HIVEP1: variants seen among roughly 807,000 people sequenced by gnomAD.
HIVEP1 encodes the protein HIVEP zinc finger 1.
HIVEP1 carries 36 observed loss-of-function variants against 180.0 expected under a neutral mutation model. The observed-to-expected ratio is 0.20, with a 90% CI of 0.15 to 0.26. The LOEUF (loss-of-function observed/expected upper bound fraction) is 0.26, where lower values mean the gene tolerates loss of function less well. HIVEP1 is among the 10% of genes least tolerant of loss of function. The probability of loss-of-function intolerance (pLI) is 1.00; values close to 1 mark genes in which losing one functional copy is unlikely to be tolerated. For synonymous variants in HIVEP1, 1,239 were observed against 1,239.0 expected, an observed-to-expected ratio of 1.00 and a Z score of 0.00; for missense variants, 3,143 against 3,268.7, an observed-to-expected ratio of 0.96 and a Z score of 0.94.
At chr6:12,049,582 C>G (rs180838207) in intron 2 of HIVEP1, among the ~76,000 whole-genome samples, 90 of 152,302 alleles carry the variant, frequency 5.9e-4, no homozygotes, top group African/African-American at 2.1e-3. Flanking sequence ...GTCCAGTTCT[C>G]TGTTCACAAA....
the HIVEP1 span, among the ~76,000 whole-genome samples, chr6:12,201,251 C>T: frequency 3.9e-5 from 6 of 152,158 alleles, no homozygotes; most frequent in East Asian, 1.9e-4. Flanking sequence ...CTGAGGTGGG[C>T]GAATCGTTTG....
At chr6:12,032,058 T>C (rs948707757) in intron 2 of HIVEP1, among the ~76,000 whole-genome samples, 4 of 152,178 alleles carry the variant, frequency 2.6e-5, no homozygotes, top group Non-Finnish European at 4.4e-5. Context: ...AGTGTGATGA[T>C]TGTGTTTTTA....
In HIVEP1 at chr6:12,121,268, C is replaced by A. The variant is rs1490671535; in HGVS notation, c.1473C>A (p.Asp491Glu). 1.9e-6 allele frequency: 3 copies of A among 1,614,142 alleles called. No homozygotes were observed. Among genetic ancestry groups the A allele is most frequent in the African/African-American group, 1.3e-5 (1 of 75,022 alleles). ...KALSIHSDVE[D>E]SGESEEEGAT... ...TTAGTATTCATTCAGACGTAGAAGA[C>A]AGTGGGGAGAGCGAGGAGGAAGGCG... is the stretch of plus-strand genomic sequence containing the variant. The change falls in exon 4 of 9, where the codon GAC becomes GAA. Residue 491 changes from aspartate to glutamate, a missense_variant. Asp to Glu is a conservative substitution (Grantham distance 45). Around this residue, in one of 12 missense-constraint regions of HIVEP1, gnomAD observed 365 missense variants for 344.4 expected, o/e 1.06. Coordinates refer to ENST00000379388, the MANE Select transcript of HIVEP1 (RefSeq NM_002114.4). The surrounding 1 kb of genome is among the most constrained non-coding windows in gnomAD (Gnocchi z 5.3).
chr6:12,054,011 C>G (rs1770705536), intron 2 of HIVEP1, among the ~76,000 whole-genome samples: 2 of 152,206 alleles, frequency 1.3e-5, no homozygotes, highest in South Asian at 4.1e-4. Context: ...CGTAGGTTAT[C>G]TTTCCCTTCT....
At position 12,123,307 on chromosome 6, in the gene HIVEP1, C is replaced by A; in HGVS notation, c.3512C>A (p.Ser1171Tyr). 6.2e-7 allele frequency: 1 copy of A among 1,614,132 alleles called. No homozygotes were observed. Among genetic ancestry groups the A allele is most frequent in the South Asian group, 1.1e-5 (1 of 91,082 alleles). The change falls in exon 4 of 9, where the codon TCC becomes TAC. Residue 1171 changes from serine to tyrosine, a missense_variant. Physicochemically the swap from Ser to Tyr is moderately radical, Grantham distance 144 (BLOSUM62 -2). Around this residue, in one of 12 missense-constraint regions of HIVEP1, gnomAD observed 1,357 missense variants for 1,260.5 expected, o/e 1.08. Transcript: ENST00000379388. The part of the protein sequence containing the change: ...SFQELNRTGK[S>Y]GSLKVIGISQ... ...CAGGAGCTGAATAGAACGGGGAAGT[C>A]CGGGTCTCTAAAAGTGATAGGAATC...
intron 2 of HIVEP1, among the ~76,000 whole-genome samples, chr6:12,067,732 A>G (rs538507037): frequency 2.0e-5 from 3 of 152,100 alleles, no homozygotes; most frequent in South Asian, 4.2e-4. Flanking sequence ...CATGCACTCC[A>G]TGGTCTGGTG....
At chr6:12,118,877 A>T (rs1337112075) in intron 3 of HIVEP1, among the ~76,000 whole-genome samples, 2 of 152,214 alleles carry the variant, frequency 1.3e-5, no homozygotes, top group African/African-American at 4.8e-5. Flanking sequence ...TTCTCCTGAA[A>T]ATATCAGTTT....
At chr6:12,202,042 G>A in the HIVEP1 span, among the ~76,000 whole-genome samples, 10 of 151,424 alleles carry the variant, frequency 6.6e-5, no homozygotes, top group South Asian at 1.3e-3. Flanking sequence ...GGAAAAACAT[G>A]TATTTTCTAG....
At chr6:12,105,373 C>G (rs1392327299) in intron 3 of HIVEP1, among the ~76,000 whole-genome samples, 1 of 152,184 alleles carries the variant, frequency 6.6e-6, no homozygotes, top group Non-Finnish European at 1.5e-5. Context: ...CTTTTAGCTG[C>G]TCTTTTGAAT....
chr6:12,141,797 A>G (rs898646784), intron 7 of HIVEP1, among the ~76,000 whole-genome samples: 4 of 151,764 alleles, frequency 2.6e-5, no homozygotes, highest in Non-Finnish European at 5.9e-5. Context: ...AGGCCATTAC[A>G]TAATGGCAAA....
In HIVEP1 at chr6:12,125,773, A is replaced by G. The variant is rs1169395198; in HGVS notation, c.5978A>G (p.Gln1993Arg). Residue 1993 changes from glutamine to arginine, a missense_variant, in exon 4 of 9, where the codon CAG becomes CGG. Gln to Arg is a conservative substitution (Grantham distance 43, BLOSUM62 1). Around this residue, in one of 12 missense-constraint regions of HIVEP1, gnomAD observed 1,357 missense variants for 1,260.5 expected, o/e 1.08. Coordinates refer to ENST00000379388, the MANE Select transcript of HIVEP1 (RefSeq NM_002114.4). The stretch of plus-strand genomic sequence containing the variant: ...GCACTTGCTCTCCTTAATTCAAAAC[A>G]GAACACTGGAAAATCACTATACTGT... ...KVALALLNSK[Q>R]NTGKSLYCQA... is the part of the protein sequence containing the mutation. 2 of 1,614,056 alleles carry G rather than the reference A, an allele frequency of 1.2e-6. No homozygotes were observed. The highest frequency in any genetic ancestry group is 1.7e-6 in the Non-Finnish European group (2 of 1,179,896).
chr6:12,168,191 C>A (rs868540319), downstream of HIVEP1, among the ~76,000 whole-genome samples: 1 of 29,100 alleles, frequency 3.4e-5, no homozygotes, highest in African/African-American at 1.3e-4. Flanking sequence ...TATAGATATA[C>A]GTGTATATAT....
intron 3 of HIVEP1, among the ~76,000 whole-genome samples, chr6:12,089,604 CTTT>C (rs5874363): frequency 2.1e-5 from 3 of 145,798 alleles, no homozygotes; most frequent in Non-Finnish European, 4.5e-5. Flanking sequence ...ATGCAGTTTT[CTTT>C]TTTTTTTTGT....
At chr6:12,031,080 G>A (rs892170474) in intron 2 of HIVEP1, among the ~76,000 whole-genome samples, 1 of 152,114 alleles carries the variant, frequency 6.6e-6, no homozygotes, top group Non-Finnish European at 1.5e-5. Flanking sequence ...TTCCTAGAGG[G>A]TTACCCTGTG....
At chr6:12,084,431 T>G (rs1040947396) in intron 2 of HIVEP1, among the ~76,000 whole-genome samples, 27 of 152,048 alleles carry the variant, frequency 1.8e-4, no homozygotes, top group African/African-American at 6.0e-4. Context: ...ATTGTAAAGG[T>G]GGGTTTACTC....
intron 2 of HIVEP1, among the ~76,000 whole-genome samples, chr6:12,055,245 C>T (rs1421653828): frequency 2.6e-5 from 4 of 152,248 alleles, no homozygotes; most frequent in South Asian, 2.1e-4. Flanking sequence ...GAGGCCAAGG[C>T]GGACGAATCA....
At chr6:12,089,901 G>A (rs2113333417) in intron 3 of HIVEP1, among the ~76,000 whole-genome samples, 2 of 152,108 alleles carry the variant, frequency 1.3e-5, no homozygotes, top group East Asian at 3.9e-4. Flanking sequence ...TGTGAGATTG[G>A]ACAATGTTGG....
intron 2 of HIVEP1, among the ~76,000 whole-genome samples, chr6:12,021,801 G>C (rs1443159224): frequency 6.6e-6 from 1 of 152,118 alleles, no homozygotes; most frequent in East Asian, 1.9e-4. Context: ...GAGTAGCTGG[G>C]ATTACAGGCC....
the HIVEP1 span, among the ~76,000 whole-genome samples, chr6:12,198,434 A>C: frequency 6.6e-6 from 1 of 152,234 alleles, no homozygotes; most frequent in Non-Finnish European, 1.5e-5. Context: ...AGAACATATA[A>C]GTAATAATTT....
Sources: gnomAD v4.1 joint callset for allele counts (sites outside exome capture counted in the v4.1 genomes callset) on GRCh38, gnomAD v4.1.1 for gene constraint, gnomAD v4.1.1 regional missense constraint, Gnocchi (gnomAD v3.1) non-coding constraint, MANE v1.5 for transcripts, NCBI Gene and HGNC (gene_info 2026-07-23, HGNC 2026-07-21) for gene names.